Variants in GNG4 observed in about 807,000 individuals in gnomAD.
The protein encoded by GNG4 is G protein subunit gamma 4.
GNG4 carries 4 observed loss-of-function variants against 5.8 expected under a neutral mutation model. That is an observed-to-expected ratio of 0.69 (90% CI 0.34 to 1.57). GNG4 has a LOEUF of 1.57. Among genes scored for constraint, GNG4 ranks in the 40% most tolerant of loss-of-function variants. GNG4 has a pLI of 0.06. For synonymous variants in GNG4, 29 were observed against 32.9 expected (o/e 0.88, Z 0.41); for missense variants, 96 against 95.1 (o/e 1.01, Z -0.04).
At position 235,583,085 on chromosome 1, in the gene GNG4, C is replaced by T. The variant is rs529258778; in HGVS notation, c.99+655G>A. 9.9e-5 allele frequency among the ~76,000 whole-genome samples: 15 copies of T among 152,266 alleles called. No individual in the cohort carries two copies. The South Asian group carries it at 1.9e-3, about 19-fold the overall frequency. The stretch of plus-strand genomic sequence containing the variant: ...ATGGAGCTTCCTGGCATCAGGTTCC[C>T]GACACCAGAGTTGGGGTTCCTTTCA... On this transcript the variant is annotated intron_variant, in intron 3 of 3. Transcript: ENST00000391854.
intron 1 of GNG4, among the ~76,000 whole-genome samples, chr1:235,614,078 G>A (rs1332494227): frequency 6.6e-6 from 1 of 152,220 alleles, no homozygotes; most frequent in Non-Finnish European, 1.5e-5. Flanking sequence ...CTTCCAAAGT[G>A]TTGGAATTAC....
chr1:235,620,371 A>G (rs1412999905), intron 1 of GNG4, among the ~76,000 whole-genome samples: 2 of 152,320 alleles, frequency 1.3e-5, no homozygotes, highest in East Asian at 1.9e-4. Context: ...ATTTCAAAAA[A>G]CAAAACAAAA....
chr1:235,565,826 G>T (rs1233292688), intron 3 of GNG4: 1 of 152,216 alleles, frequency 6.6e-6, no homozygotes, highest in Non-Finnish European at 1.5e-5. Flanking sequence ...CGTTCCTATG[G>T]AGTTCATCAT....
At chr1:235,588,402 A>G (rs1687878492) in intron 2 of GNG4, among the ~76,000 whole-genome samples, 1 of 151,910 alleles carries the variant, frequency 6.6e-6, no homozygotes. Context: ...CTTCTCCCTC[A>G]GCCCCTTCTC....
rs139426921 is a variant in GNG4 at position 235,637,489 on chromosome 1, C to A, written c.-123+12173G>T. Among the ~76,000 whole-genome samples the A allele has an allele frequency of 2.6e-5, 4 of 151,136 alleles. No homozygotes were observed. The East Asian group carries it at 5.8e-4, about 22-fold the overall frequency. ...GCAACATGGCGAAACCCCTTCTCTA[C>A]GAAAAATACAAAAATTAGCTGGGCG... On this transcript the variant is annotated intron_variant, in intron 1 of 3. Coordinates refer to ENST00000391854, the MANE Select transcript of GNG4 (RefSeq NM_001098722.2).
Position 235,642,837 on chromosome 1 carries a change from G to A in GNG4, c.-123+6825C>T, listed in dbSNP as rs183856838. Among the ~76,000 whole-genome samples, 157 of 152,178 alleles carry A rather than the reference G, an allele frequency of 1.0e-3. No homozygotes were observed. The highest frequency in any genetic ancestry group is 3.6e-3 in the African/African-American group (148 of 41,516). ...TCCAGCCAGACCTCTGCTCAGCTCT[G>A]CACGTACATGCCCCCTCGATGTCAC... On this transcript the variant is annotated intron_variant, in intron 1 of 3. Transcript: ENST00000391854. This position sits in a 1 kb window ranked among gnomAD's most constrained non-coding sequence, Gnocchi z 4.3.
chr1:235,593,660 T>C (rs1688044280), intron 2 of GNG4, among the ~76,000 whole-genome samples: 1 of 151,758 alleles, frequency 6.6e-6, no homozygotes, highest in Admixed American at 6.6e-5. Context: ...ATGTTTGGAG[T>C]TTCTTACTTC....
intron 3 of GNG4, among the ~76,000 whole-genome samples, chr1:235,553,119 A>G (rs913454412): frequency 5.3e-4 from 80 of 152,300 alleles, no homozygotes; most frequent in African/African-American, 1.9e-3. Flanking sequence ...TCCTGACCAG[A>G]AAGTTCTTTC....
intron 1 of GNG4, among the ~76,000 whole-genome samples, chr1:235,641,640 G>A (rs1026864283): frequency 4.6e-5 from 7 of 152,220 alleles, no homozygotes; most frequent in African/African-American, 1.7e-4. Flanking sequence ...GCAGTGAGCC[G>A]AGATCGCGCC....
chr1:235,625,260 T>C (rs547475025), intron 1 of GNG4, among the ~76,000 whole-genome samples: 1 of 152,248 alleles, frequency 6.6e-6, no homozygotes, highest in East Asian at 1.9e-4. Flanking sequence ...CTTCCCGGCA[T>C]TTAAAAAAAA....
At chr1:235,555,679 T>TA (rs59029355) in intron 3 of GNG4, among the ~76,000 whole-genome samples, 97,627 of 127,352 alleles carry the variant, frequency 0.77, 37,594 homozygotes, top group African/African-American at 0.9. Flanking sequence ...ACCCTGTCTC[T>TA]AAAAAAAAAA....
chr1:235,612,419 AG>A (rs1688498953), intron 1 of GNG4, among the ~76,000 whole-genome samples: 1 of 151,998 alleles, frequency 6.6e-6, no homozygotes, highest in African/African-American at 2.4e-5. Context: ...AGGGAGGTGC[AG>A]GGTCTGCGTG....
chr1:235,561,933 AGT>A (rs1418350177), intron 3 of GNG4, among the ~76,000 whole-genome samples: 2 of 152,218 alleles, frequency 1.3e-5, no homozygotes, highest in Non-Finnish European at 2.9e-5. Context: ...GAAGTTCTGT[AGT>A]GTACTCTTTT....
At chr1:235,591,613 T>C (rs902304801) in intron 2 of GNG4, among the ~76,000 whole-genome samples, 4 of 152,188 alleles carry the variant, frequency 2.6e-5, no homozygotes, top group African/African-American at 7.2e-5. Context: ...CAGACATTCA[T>C]GCGTCTGCAC....
At chr1:235,594,889 A>G (rs1430796632) in intron 2 of GNG4, among the ~76,000 whole-genome samples, 1 of 152,224 alleles carries the variant, frequency 6.6e-6, no homozygotes, top group Non-Finnish European at 1.5e-5. Flanking sequence ...GCCCAGGCAG[A>G]GGAGGCGCCG....
At chr1:235,587,433 G>C (rs1185409089) in intron 2 of GNG4, among the ~76,000 whole-genome samples, 14 of 70,172 alleles carry the variant, frequency 2.0e-4, no homozygotes, top group East Asian at 5.2e-4. Flanking sequence ...TGTGTGTGAG[G>C]GTGGGTGAGC....
At chr1:235,607,911 G>C (rs1688396824) in intron 1 of GNG4, among the ~76,000 whole-genome samples, 1 of 151,904 alleles carries the variant, frequency 6.6e-6, no homozygotes, top group Admixed American at 6.6e-5. Context: ...CATCCTCTGG[G>C]ACCAGCTACA....
At chr1:235,615,588 C>T (rs1016785246) in intron 1 of GNG4, 1 of 214,964 alleles carries the variant, frequency 4.7e-6, no homozygotes, top group African/African-American at 2.3e-5. Flanking sequence ...TTGATTTCAA[C>T]CCTCTGGAAG....
At chr1:235,623,564 G>A (rs772052856) in intron 1 of GNG4, among the ~76,000 whole-genome samples, 1 of 151,988 alleles carries the variant, frequency 6.6e-6, no homozygotes, top group Non-Finnish European at 1.5e-5. Context: ...GGGCTGTAGC[G>A]GGCTTGCTCC....
Sources: allele counts gnomAD v4.1 joint callset (sites outside exome capture counted in the v4.1 genomes callset), GRCh38; gene constraint gnomAD v4.1.1; non-coding constraint Gnocchi (gnomAD v3.1); transcripts MANE v1.5; gene names NCBI Gene and HGNC (gene_info 2026-07-23, HGNC 2026-07-21).